The following EYS variants were observed in gnomAD, a reference collection of about 807,000 sequenced individuals.
EYS encodes EGF-like photoreceptor maintenance factor.
Under a neutral mutation model 282.1 loss-of-function variants are expected in EYS, and 250 were observed. That is an observed-to-expected ratio of 0.89 (90% CI 0.80 to 0.98). EYS has a LOEUF of 0.98. Among genes scored for constraint, EYS ranks in the 50% least tolerant of loss-of-function variants. The probability of loss-of-function intolerance (pLI) is 0.00; values close to 1 mark genes in which losing one functional copy is unlikely to be tolerated. For missense variants in EYS, 4,016 were observed against 3,709.0 expected, an observed-to-expected ratio of 1.08 and a Z score of -2.15; for synonymous variants, 1,355 against 1,282.9, an observed-to-expected ratio of 1.06 and a Z score of -1.20.
chr6:64,858,153 T>G (rs1198029169), intron 19 of EYS, among the ~76,000 whole-genome samples: 1 of 152,208 alleles, frequency 6.6e-6, no homozygotes, highest in East Asian at 1.9e-4. Context: ...TTCAGAGTTA[T>G]ATTAAAAAAA....
At chr6:64,318,651 A>G (rs1411731409) in intron 29 of EYS, among the ~76,000 whole-genome samples, 1 of 151,924 alleles carries the variant, frequency 6.6e-6, no homozygotes, top group Non-Finnish European at 1.5e-5. Flanking sequence ...ATTAAGGAAC[A>G]ATTTTTTTGG....
intron 7 of EYS, among the ~76,000 whole-genome samples, chr6:65,391,609 A>C (rs1383346889): frequency 2.6e-5 from 4 of 152,152 alleles, no homozygotes; most frequent in Non-Finnish European, 4.4e-5. Context: ...ATTCCAACTT[A>C]CAAGGGATGT....
At chr6:63,745,675 G>T (rs1769193837) in intron 41 of EYS, among the ~76,000 whole-genome samples, 1 of 152,184 alleles carries the variant, frequency 6.6e-6, no homozygotes, top group Non-Finnish European at 1.5e-5. Flanking sequence ...GATTTAGATG[G>T]ATGTTGGATG....
At chr6:63,726,162 A>G (rs1455609915) in intron 42 of EYS, among the ~76,000 whole-genome samples, 3 of 152,166 alleles carry the variant, frequency 2.0e-5, no homozygotes. Flanking sequence ...ATGTGGTTGA[A>G]TCTACAGGAA....
At chr6:64,464,285 A>G (rs1047927823) in intron 26 of EYS, among the ~76,000 whole-genome samples, 4 of 152,174 alleles carry the variant, frequency 2.6e-5, no homozygotes, top group African/African-American at 9.6e-5. Context: ...AATTACGTAT[A>G]GAAGGAATGC....
intron 22 of EYS, among the ~76,000 whole-genome samples, chr6:64,793,800 G>GT (rs147244416): frequency 0.07 from 10,590 of 150,578 alleles, 493 homozygotes; most frequent in East Asian, 0.22. Flanking sequence ...TTTTCCATCT[G>GT]TTTTTTTTTG....
At chr6:64,641,409 C>T (rs934258482) in intron 22 of EYS, among the ~76,000 whole-genome samples, 2 of 152,132 alleles carry the variant, frequency 1.3e-5, no homozygotes, top group East Asian at 1.9e-4. Flanking sequence ...TGGGTGTGGA[C>T]ACAGCCAAAC....
At chr6:63,917,595 T>A (rs1040117344) in intron 35 of EYS, among the ~76,000 whole-genome samples, 1 of 152,124 alleles carries the variant, frequency 6.6e-6, no homozygotes, top group Admixed American at 6.6e-5. Flanking sequence ...CTGGGAAAAA[T>A]TGTGGATAAA....
chr6:65,362,383 C>G (rs962529619), intron 8 of EYS, among the ~76,000 whole-genome samples: 10 of 151,998 alleles, frequency 6.6e-5, no homozygotes, highest in African/African-American at 2.4e-4. Flanking sequence ...CTCCAAGATG[C>G]TGCAAGTTGA....
chr6:65,619,735 C>T (rs563018623), intron 2 of EYS, among the ~76,000 whole-genome samples: 294 of 151,288 alleles, frequency 1.9e-3, no homozygotes, highest in Non-Finnish European at 3.1e-3. Context: ...CCCATCAATA[C>T]CTAATTTATT....
intron 12 of EYS, among the ~76,000 whole-genome samples, chr6:65,148,285 A>G (rs1431915818): frequency 6.6e-6 from 1 of 152,148 alleles, no homozygotes; most frequent in Non-Finnish European, 1.5e-5. Context: ...CCTTGGTACA[A>G]TGGGGGTACA....
At chr6:64,286,998 G>A (rs950274423) in intron 30 of EYS, among the ~76,000 whole-genome samples, 1 of 151,986 alleles carries the variant, frequency 6.6e-6, no homozygotes, top group Non-Finnish European at 1.5e-5. Flanking sequence ...TAGAAATGTT[G>A]GATGCCTGGT....
chr6:65,227,676 T>G, intron 12 of EYS, among the ~76,000 whole-genome samples: 1 of 152,072 alleles, frequency 6.6e-6, no homozygotes, highest in East Asian at 1.9e-4. Flanking sequence ...ATCTGAAATA[T>G]CCATACATTG....
intron 1 of EYS, among the ~76,000 whole-genome samples, chr6:65,695,454 T>A (rs1769412908): frequency 6.6e-6 from 1 of 152,088 alleles, no homozygotes; most frequent in Non-Finnish European, 1.5e-5. Context: ...GAATTTTAAT[T>A]TGATATATAC....
chr6:64,231,285 A>C (rs2150338217), intron 30 of EYS, among the ~76,000 whole-genome samples: 1 of 152,210 alleles, frequency 6.6e-6, no homozygotes, highest in East Asian at 1.9e-4. Context: ...AATACCCATA[A>C]ATATTCCCTA....
intron 26 of EYS, among the ~76,000 whole-genome samples, chr6:64,444,512 T>G (rs1775057921): frequency 6.6e-6 from 1 of 152,196 alleles, no homozygotes; most frequent in South Asian, 2.1e-4. Flanking sequence ...TTTAAAAAAT[T>G]CAGTGGCTTT....
intron 35 of EYS, among the ~76,000 whole-genome samples, chr6:63,928,237 C>T (rs1464624685): frequency 6.6e-6 from 1 of 152,092 alleles, no homozygotes; most frequent in Non-Finnish European, 1.5e-5. Context: ...TTTTCAAATG[C>T]TCTATGACTC....
In EYS at chr6:65,626,567, A is replaced by G. The variant is rs59780275; in HGVS notation, c.-333+13211T>C. On this transcript the variant is annotated intron_variant, in intron 2 of 42. Coordinates refer to ENST00000503581, the MANE Select transcript of EYS (RefSeq NM_001142800.2). ...CCCTGTATAATTGAATCTGTTTTAA[A>G]CAAACCCTAATTTTTTAATTAAAGC... 2.5e-3 allele frequency among the ~76,000 whole-genome samples: 375 copies of G among 152,264 alleles called. 1 individual carries two copies. Among genetic ancestry groups the G allele is most frequent in the African/African-American group, 8.9e-3 (369 of 41,558 alleles).
intron 30 of EYS, among the ~76,000 whole-genome samples, chr6:64,261,942 G>A (rs562811555): frequency 5.3e-5 from 8 of 152,020 alleles, no homozygotes; most frequent in Admixed American, 1.3e-4. Flanking sequence ...ATTTTGTAGA[G>A]AAGGTTTTTT....
Sources: allele counts gnomAD v4.1 joint callset (sites outside exome capture counted in the v4.1 genomes callset), GRCh38; gene constraint gnomAD v4.1.1; transcripts MANE v1.5; gene names NCBI Gene and HGNC (gene_info 2026-07-23, HGNC 2026-07-21).